SOS1: variants seen among roughly 807,000 people sequenced by gnomAD.
SOS1 encodes son of sevenless homolog 1.
Under a neutral mutation model 157.6 loss-of-function variants are expected in SOS1, and 25 were observed. That is an observed-to-expected ratio of 0.16 (90% confidence interval 0.12 to 0.22). SOS1 has a LOEUF of 0.22. Ranked by LOEUF, SOS1 falls within the 10% of genes least tolerant of loss-of-function variation. The pLI is 1.00. For synonymous variants in SOS1, 528 were observed against 534.0 expected (o/e 0.99, Z 0.16); for missense variants, 1,237 against 1,599.1 (o/e 0.77, Z 3.86).
chr2:39,005,701 TA>T (rs991131314), intron 17 of SOS1, among the ~76,000 whole-genome samples: 7 of 151,876 alleles, frequency 4.6e-5, no homozygotes, highest in African/African-American at 1.7e-4. Context: ...TAAAACTATA[TA>T]AAAAATATAG....
intron 8 of SOS1, among the ~76,000 whole-genome samples, chr2:39,034,418 CAG>C (rs1670272922): frequency 6.6e-6 from 1 of 152,102 alleles, no homozygotes; most frequent in Non-Finnish European, 1.5e-5. Context: ...TGATACTAAA[CAG>C]AAGTTTTCTT....
intron 1 of SOS1, among the ~76,000 whole-genome samples, chr2:39,113,866 A>C (rs528343276): frequency 1.3e-5 from 2 of 152,218 alleles, no homozygotes; most frequent in African/African-American, 2.4e-5. Flanking sequence ...CCTCAGCACT[A>C]TCTCTTTTCC....
intron 6 of SOS1, among the ~76,000 whole-genome samples, chr2:39,043,415 T>C (rs1470941197): frequency 2.0e-5 from 3 of 152,234 alleles, no homozygotes; most frequent in Non-Finnish European, 4.4e-5. Flanking sequence ...CGTTATGTAG[T>C]TTTGATAATG....
chr2:39,015,723 G>C (rs1230736875), intron 10 of SOS1, among the ~76,000 whole-genome samples: 1 of 148,688 alleles, frequency 6.7e-6, no homozygotes, highest in Admixed American at 6.7e-5. Flanking sequence ...GAGGGGGAAA[G>C]ACATCTCCCA....
At position 39,027,832 on chromosome 2, in the gene SOS1, T is replaced by TA. The variant is rs201225207; in HGVS notation, c.1075-3696_1075-3695insT. On this transcript the variant is annotated intron_variant, in intron 8 of 22. Transcript: ENST00000402219. The stretch of plus-strand genomic sequence containing the variant: ...CTCATCTAGGGAATCATATTATTAT[T>TA]TTTTTTTTTTTTTTGAGATGGAGTC... 1.2e-3 allele frequency among the ~76,000 whole-genome samples: 155 copies of TA among 133,838 alleles called. 1 individual carries two copies. The highest frequency in any genetic ancestry group is 3.7e-3 in the African/African-American group (144 of 39,110). The allele number at this position is 133,838 out of a possible 152,430, so 87.8% of individuals were successfully genotyped here.
chr2:39,003,066 C>CAAAAAAAAAAAAAAAA (rs57338404), intron 17 of SOS1, among the ~76,000 whole-genome samples: 24 of 72,252 alleles, frequency 3.3e-4, no homozygotes, highest in African/African-American at 8.4e-4. Context: ...GACCTTGTAT[C>CAAAAAAAAAAAAAAAA]AAAAAAAAAA....
chr2:39,110,985 C>T (rs1025815801), intron 1 of SOS1, among the ~76,000 whole-genome samples: 5 of 152,190 alleles, frequency 3.3e-5, no homozygotes, highest in Admixed American at 6.5e-5. Flanking sequence ...CCTGTAATCC[C>T]ACTTTGGGAG....
intron 6 of SOS1, among the ~76,000 whole-genome samples, chr2:39,037,265 C>A (rs530462463): frequency 1.3e-5 from 2 of 152,158 alleles, no homozygotes; most frequent in African/African-American, 4.8e-5. Context: ...ATACAGTGGA[C>A]GGAAGAGAAG....
chr2:39,118,647 C>T (rs1673748339), intron 1 of SOS1, among the ~76,000 whole-genome samples: 1 of 152,202 alleles, frequency 6.6e-6, no homozygotes, highest in Non-Finnish European at 1.5e-5. Flanking sequence ...GCCATTTACT[C>T]AACTCCAGCA....
intron 19 of SOS1, among the ~76,000 whole-genome samples, chr2:38,995,989 GA>G (rs1048550270): frequency 1.3e-5 from 2 of 152,132 alleles, no homozygotes; most frequent in Non-Finnish European, 2.9e-5. Context: ...AAGGGCTTGA[GA>G]AATTTTGCTG....
intron 20 of SOS1, among the ~76,000 whole-genome samples, chr2:38,994,831 A>G (rs1184944176): frequency 1.3e-5 from 2 of 152,214 alleles, no homozygotes; most frequent in Non-Finnish European, 2.9e-5. Context: ...TCTCCTCTGG[A>G]TAAGAGGAAT....
chr2:39,046,876 A>T (rs1193325668), intron 6 of SOS1, among the ~76,000 whole-genome samples: 1 of 152,224 alleles, frequency 6.6e-6, no homozygotes, highest in East Asian at 1.9e-4. Context: ...TTCTTGCTAA[A>T]GAACACCATC....
intron 19 of SOS1, 32 bp from the exon 20 acceptor site, chr2:38,995,419 T>C (rs770268387): frequency 6.3e-7 from 1 of 1,582,756 alleles, no homozygotes; most frequent in Non-Finnish European, 8.7e-7. Flanking sequence ...CACAATACTT[T>C]AAACACTGTA....
At chr2:39,069,335 A>G (rs1671713882) in intron 1 of SOS1, among the ~76,000 whole-genome samples, 1 of 151,770 alleles carries the variant, frequency 6.6e-6, no homozygotes, top group African/African-American at 2.4e-5. Flanking sequence ...AGCTATGATT[A>G]AACCACTGTA....
chr2:38,987,891 CAGATGTCTGGG>C (rs1668601911), intron 21 of SOS1, among the ~76,000 whole-genome samples: 1 of 152,164 alleles, frequency 6.6e-6, no homozygotes, highest in South Asian at 2.1e-4. Flanking sequence ...GTCTGATTCT[CAGATGTCTGGG>C]AGACAGTGAG....
chr2:39,087,850 T>A (rs1036377036), intron 1 of SOS1, among the ~76,000 whole-genome samples: 13 of 152,100 alleles, frequency 8.5e-5, no homozygotes, highest in Admixed American at 3.3e-4. Context: ...AGCTAATTTT[T>A]AAAATTTTTT....
intron 20 of SOS1, among the ~76,000 whole-genome samples, chr2:38,994,545 A>G (rs1421413316): frequency 2.6e-5 from 4 of 152,222 alleles, no homozygotes; most frequent in Admixed American, 2.0e-4. Flanking sequence ...CATGTTAAGT[A>G]TCCTTTATCT....
At position 38,985,422 on chromosome 2, in the gene SOS1, GTT is replaced by G. The variant is rs10655655; in HGVS notation, c.*400_*401del. ...GGAAGATATTAAGATCCCTGTTTAA[GTT>G]TTTTTTTTTAAAAGTGCATAATTTG... On this transcript the variant is annotated 3_prime_UTR_variant, in exon 23 of 23. Transcript: ENST00000402219. The G allele has an allele frequency of 5.5e-5, 5 of 91,628 alleles. No individual in the cohort carries two copies. Among genetic ancestry groups the G allele is most frequent in the African/African-American group, 9.6e-5 (3 of 31,376 alleles). The allele number at this position is 91,628 out of a possible 1,614,324, so 5.7% of individuals were successfully genotyped here. A position where few individuals can be genotyped will look rare whatever the true frequency, so the allele number is the denominator to read the frequency against.
intron 2 of SOS1, 149 bp downstream of exon 2, chr2:39,067,479 G>C: frequency 1.3e-6 from 1 of 768,978 alleles, no homozygotes; most frequent in Non-Finnish European, 2.3e-6. Context: ...TTCTGGATAA[G>C]GGATACTCAA....
Sources: allele counts gnomAD v4.1 joint callset (sites outside exome capture counted in the v4.1 genomes callset), GRCh38; gene constraint gnomAD v4.1.1; transcripts MANE v1.5; gene names NCBI Gene and HGNC (gene_info 2026-07-23, HGNC 2026-07-21).